Variants in RMI1 observed in about 807,000 individuals in gnomAD.
RMI1 encodes the protein RecQ mediated genome instability 1.
In RMI1, 36 loss-of-function variants were observed where a neutral mutation model predicts 46.7. The observed-to-expected ratio is 0.77, with a 90% CI of 0.59 to 1.02. The LOEUF (loss-of-function observed/expected upper bound fraction) is 1.02, where lower values mean the gene tolerates loss of function less well. Ranked by LOEUF, RMI1 falls within the 50% of genes least tolerant of loss-of-function variation. RMI1 has a pLI of 0.00. For synonymous variants in RMI1, 250 were observed against 252.9 expected (o/e 0.99, Z 0.11); for missense variants, 676 against 713.7 (o/e 0.95, Z 0.60).
chr9:83,980,629 C>T (rs754768020), upstream of RMI1: 2 of 153,278 alleles, frequency 1.3e-5, no homozygotes, highest in Non-Finnish European at 2.9e-5. Flanking sequence ...CGCGCACTCA[C>T]TAGCTGGGGG....
At chr9:83,988,107 C>T (rs1957519104) in intron 1 of RMI1, among the ~76,000 whole-genome samples, 1 of 152,102 alleles carries the variant, frequency 6.6e-6, no homozygotes, top group East Asian at 1.9e-4. Context: ...TGGTTTTGAA[C>T]TCCTGGCCTC....
At chr9:83,987,463 C>T (rs962420425) in intron 1 of RMI1, among the ~76,000 whole-genome samples, 3 of 152,162 alleles carry the variant, frequency 2.0e-5, no homozygotes, top group African/African-American at 7.2e-5. Context: ...TGTTACATTT[C>T]TATTCTTTTG....
chr9:83,993,464 T>C (rs549234893), intron 1 of RMI1, among the ~76,000 whole-genome samples: 6 of 152,344 alleles, frequency 3.9e-5, no homozygotes, highest in African/African-American at 9.6e-5. Flanking sequence ...TTGTGAGATA[T>C]CTCTTCAAGA....
intron 1 of RMI1, among the ~76,000 whole-genome samples, chr9:83,987,696 T>C (rs1048099463): frequency 6.6e-6 from 1 of 152,186 alleles, no homozygotes; most frequent in African/African-American, 2.4e-5. Flanking sequence ...ACTGAACTGT[T>C]TTCTGTTTGT....
At position 84,000,936 on chromosome 9, in the gene RMI1, G is replaced by T. The variant is rs376765186; in HGVS notation, c.-36-15G>T. The T allele has an allele frequency of 2.1e-6, 3 of 1,400,200 alleles. No individual in the cohort carries two copies. Among genetic ancestry groups the T allele is most frequent in the Admixed American group, 4.5e-5 (2 of 44,424 alleles). 86.7% of individuals were successfully genotyped at this position (1,400,200 alleles called of 1,614,324 possible). ...TATACTGAATTATCTAAATTTTTTT[G>T]TTTTTTGTTTTCAGGTAATAGATGC... is the stretch of plus-strand genomic sequence containing the variant. On this transcript the variant is annotated splice_polypyrimidine_tract_variant and intron_variant, in intron 2 of 2. Coordinates refer to ENST00000445877, the MANE Select transcript of RMI1 (RefSeq NM_001358291.2).
chr9:83,997,368 C>T (rs538481520), intron 1 of RMI1, among the ~76,000 whole-genome samples: 1 of 151,800 alleles, frequency 6.6e-6, no homozygotes, highest in Non-Finnish European at 1.5e-5. Context: ...ACCTTGGCCT[C>T]CCAAAGTGCT....
At chr9:83,994,880 ATCCT>A (rs1957627239) in intron 1 of RMI1, among the ~76,000 whole-genome samples, 1 of 152,058 alleles carries the variant, frequency 6.6e-6, no homozygotes, top group African/African-American at 2.4e-5. Flanking sequence ...ACTTTTCTTT[ATCCT>A]TAATGTTTTG....
rs564209160 is a variant in RMI1, at chr9:84,003,992, G to A, written c.*1128G>A. The A allele has an allele frequency of 6.1e-6, 1 of 162,886 alleles. No homozygotes were observed. Among genetic ancestry groups the A allele is most frequent in the Non-Finnish European group, 1.5e-5 (1 of 68,028 alleles). The allele number at this position is 162,886 out of a possible 1,614,324, so 10.1% of individuals were successfully genotyped here. On this transcript the variant is annotated 3_prime_UTR_variant, in exon 3 of 3. Transcript: ENST00000445877. The stretch of plus-strand genomic sequence containing the variant: ...TATAAAGTTGTATTTGAAAGGTAAT[G>A]TTGTTTTTATTAATCTTTTGTCTTA...
intron 1 of RMI1, among the ~76,000 whole-genome samples, chr9:83,997,601 C>T (rs976232763): frequency 6.6e-5 from 10 of 151,966 alleles, no homozygotes; most frequent in East Asian, 1.9e-4. Flanking sequence ...TTCTTCTCCT[C>T]GTCTGTGCCA....
chr9:84,002,196 G>A lies in RMI1; in HGVS notation c.1210G>A (p.Val404Ile). Residue 404 changes from valine to isoleucine, a missense_variant, in exon 3 of 3, where the codon GTT becomes ATT. Transcript: ENST00000445877. ...VRDQNRSIFSVHCNVPLAHDF... is the reference protein window; with the variant it reads ...VRDQNRSIFSIHCNVPLAHDF... ...AGACCAAAACAGGAGTATTTTTTCA[G>A]TTCATTGTAATGTACCCTTAGCCCA... 1 of 1,613,564 alleles carries A rather than the reference G, an allele frequency of 6.2e-7. No homozygotes were observed. The highest frequency in any genetic ancestry group is 8.5e-7 in the Non-Finnish European group (1 of 1,179,806).
At position 84,001,519 on chromosome 9, in the gene RMI1, G is replaced by A; in HGVS notation, c.533G>A (p.Gly178Asp). The A allele has an allele frequency of 6.2e-7, 1 of 1,613,830 alleles. No individual in the cohort carries two copies. The highest frequency in any genetic ancestry group is 8.5e-7 in the Non-Finnish European group (1 of 1,179,974). The change falls in exon 3 of 3, where the codon GGT becomes GAT. Residue 178 changes from glycine to aspartate, a missense_variant. By Grantham distance (94) the Gly-to-Asp change is moderately conservative. Coordinates refer to ENST00000445877, the MANE Select transcript of RMI1 (RefSeq NM_001358291.2). ...LIYGNISFRL[G>D]VLLLKPENVK... ...TATGGAAATATATCTTTCCGTCTTGGTGTTCTCTTATTGAAACCAGAAAAC... is the reference window on the plus strand; with the variant it reads ...TATGGAAATATATCTTTCCGTCTTGATGTTCTCTTATTGAAACCAGAAAAC...
chr9:83,991,377 A>C (rs1957571995), intron 1 of RMI1, among the ~76,000 whole-genome samples: 1 of 151,760 alleles, frequency 6.6e-6, no homozygotes, highest in Admixed American at 6.6e-5. Flanking sequence ...GTGCAGTGGC[A>C]CAAACATGGC....
chr9:84,002,318 TAGAG>T lies in RMI1; in HGVS notation c.1335_1338del (p.Glu446TrpfsTer25). 1 of 1,599,916 alleles carries T rather than the reference TAGAG, an allele frequency of 6.3e-7. No individual in the cohort carries two copies. The highest frequency in any genetic ancestry group is 8.6e-7 in the Non-Finnish European group (1 of 1,169,014). On this transcript the variant is annotated frameshift_variant, in exon 3 of 3. Coordinates refer to ENST00000445877, the MANE Select transcript of RMI1 (RefSeq NM_001358291.2). LOFTEE classifies it high-confidence loss of function. ...ATTCCTTAAATAATAAAATATTAAATAGAGAGGTGGTCAACTATGTACAGAAAAG... is the reference window on the plus strand; with the variant it reads ...ATTCCTTAAATAATAAAATATTAAATAGGTGGTCAACTATGTACAGAAAAG...
At chr9:83,982,875 T>G (rs1957440093) in intron 1 of RMI1, among the ~76,000 whole-genome samples, 1 of 152,204 alleles carries the variant, frequency 6.6e-6, no homozygotes. Flanking sequence ...CTCCATCCTT[T>G]TATTCTCTGT....
rs146050090 is a variant in RMI1, at chr9:84,001,643, A to G, written c.657A>G (p.Ser219=). The G allele has an allele frequency of 2.5e-6, 4 of 1,614,052 alleles. No individual in the cohort carries two copies. Among genetic ancestry groups the G allele is most frequent in the East Asian group, 2.2e-5 (1 of 44,874 alleles). ...TAGGGGAACCTGATCTTGTAGTTTC[A>G]GTCATACCAAACAATTCTAACGAAA... ...RLIGEPDLVV[S]VIPNNSNENI... The change falls in exon 3 of 3, where the codon TCA becomes TCG. Residue 219 remains serine (S), a synonymous_variant. Transcript: ENST00000445877.
chr9:84,000,148 A>C (rs1199719020), intron 2 of RMI1, among the ~76,000 whole-genome samples: 2 of 152,204 alleles, frequency 1.3e-5, no homozygotes, highest in Non-Finnish European at 2.9e-5. Context: ...ATACATAAAG[A>C]ACATTAGTGA....
intron 1 of RMI1, among the ~76,000 whole-genome samples, chr9:83,984,089 T>G (rs1195614587): frequency 6.6e-6 from 1 of 152,170 alleles, no homozygotes; most frequent in African/African-American, 2.4e-5. Flanking sequence ...TATTGATGCA[T>G]AAAAGATGTA....
chr9:83,999,413 G>T (rs1168442833), intron 1 of RMI1, among the ~76,000 whole-genome samples: 3 of 152,102 alleles, frequency 2.0e-5, no homozygotes, highest in African/African-American at 7.2e-5. Flanking sequence ...TCATGAAGTT[G>T]AGTAACTTGT....
intron 1 of RMI1, among the ~76,000 whole-genome samples, chr9:83,990,871 G>A (rs1329055544): frequency 6.6e-6 from 1 of 151,764 alleles, no homozygotes; most frequent in Non-Finnish European, 1.5e-5. Flanking sequence ...GCAATGGTAC[G>A]ATCTTGGCTC....
Sources: gnomAD v4.1 joint callset for allele counts (sites outside exome capture counted in the v4.1 genomes callset) on GRCh38, gnomAD v4.1.1 for gene constraint, MANE v1.5 for transcripts, NCBI Gene and HGNC (gene_info 2026-07-23, HGNC 2026-07-21) for gene names.